PPP2R3C: variants seen among roughly 807,000 people sequenced by gnomAD.
PPP2R3C encodes the protein serine/threonine-protein phosphatase 2A regulatory subunit B'' subunit gamma.
In PPP2R3C, 47 loss-of-function variants were observed where a neutral mutation model predicts 63.7. That is an observed-to-expected ratio of 0.74 (90% CI 0.58 to 0.94). The LOEUF is 0.94. Ranked by LOEUF, PPP2R3C falls within the 40% of genes least tolerant of loss-of-function variation. The probability of loss-of-function intolerance (pLI) is 0.00; values close to 1 mark genes in which losing one functional copy is unlikely to be tolerated. For synonymous variants in PPP2R3C, 180 were observed against 177.4 expected, an observed-to-expected ratio of 1.01 and a Z score of -0.12; for missense variants, 421 against 518.4, an observed-to-expected ratio of 0.81 and a Z score of 1.82.
intron 2 of PPP2R3C, among the ~76,000 whole-genome samples, chr14:35,113,937 T>C (rs927060555): frequency 6.6e-6 from 1 of 152,130 alleles, no homozygotes; most frequent in African/African-American, 2.4e-5. Flanking sequence ...TCAGGTGCTC[T>C]CTCTCCCTTT....
intron 1 of PPP2R3C, 113 bp downstream of exon 1, chr14:35,121,789 G>A (rs2046907223): frequency 8.2e-7 from 1 of 1,216,772 alleles, no homozygotes; most frequent in African/African-American, 1.5e-5. Context: ...TTGTCGGGAG[G>A]TTTCACAGAA....
chr14:35,100,652 C>T (rs2046156620), intron 6 of PPP2R3C: 1 of 152,172 alleles, frequency 6.6e-6, no homozygotes, highest in Non-Finnish European at 1.5e-5. Context: ...CTTTTTGAGG[C>T]AGGGTCTCAC....
intron 11 of PPP2R3C, among the ~76,000 whole-genome samples, chr14:35,089,777 T>G (rs2045734268): frequency 6.6e-6 from 1 of 152,132 alleles, no homozygotes. Flanking sequence ...GCCATTCTCC[T>G]GCCTCAGCCT....
At chr14:35,108,773 A>C (rs1439590272) in intron 4 of PPP2R3C, among the ~76,000 whole-genome samples, 1 of 151,890 alleles carries the variant, frequency 6.6e-6, no homozygotes, top group Non-Finnish European at 1.5e-5. Context: ...CATCTCAAAA[A>C]AAAAGATAAA....
At chr14:35,090,060 C>T (rs2045749166) in intron 11 of PPP2R3C, among the ~76,000 whole-genome samples, 1 of 151,990 alleles carries the variant, frequency 6.6e-6, no homozygotes, top group Non-Finnish European at 1.5e-5. Flanking sequence ...TGAGTGAAAG[C>T]TGATTTGACT....
chr14:35,122,125 G>A (rs2046926632), upstream of PPP2R3C: 1 of 628,862 alleles, frequency 1.6e-6, no homozygotes. Flanking sequence ...AACAATTACT[G>A]TCACTGCCGC....
At chr14:35,086,081 T>C in intron 12 of PPP2R3C, 1 of 275,718 alleles carries the variant, frequency 3.6e-6, no homozygotes, top group Non-Finnish European at 6.7e-6. Context: ...CATAGGTAAT[T>C]AGTGGCAGAA....
intron 1 of PPP2R3C, among the ~76,000 whole-genome samples, chr14:35,118,359 T>A (rs1349922524): frequency 6.6e-6 from 1 of 152,174 alleles, no homozygotes; most frequent in African/African-American, 2.4e-5. Context: ...CAAGAGTACA[T>A]CCTTCAGCAG....
At chr14:35,099,613 T>C (rs1169933638) in intron 6 of PPP2R3C, 3 of 427,540 alleles carry the variant, frequency 7.0e-6, no homozygotes, top group Non-Finnish European at 7.6e-6. Context: ...AACAAAGATA[T>C]TGATTAAAAA....
intron 4 of PPP2R3C, among the ~76,000 whole-genome samples, chr14:35,109,127 G>A (rs1196397554): frequency 6.6e-6 from 1 of 151,830 alleles, no homozygotes; most frequent in Non-Finnish European, 1.5e-5. Context: ...CACGATCTCG[G>A]CTCACTGCAA....
chr14:35,118,625 C>A (rs1334796692), intron 1 of PPP2R3C, among the ~76,000 whole-genome samples: 1 of 150,484 alleles, frequency 6.6e-6, no homozygotes, highest in African/African-American at 2.4e-5. Flanking sequence ...GTCAAGAAAG[C>A]ACACAAAGTA....
intron 2 of PPP2R3C, among the ~76,000 whole-genome samples, chr14:35,111,150 G>GCTTAAAC (rs1247919127): frequency 6.8e-6 from 1 of 147,832 alleles, no homozygotes; most frequent in Non-Finnish European, 1.5e-5. Context: ...CAGGAGAATT[G>GCTTAAAC]CTTAAACCCA....
At chr14:35,116,108 T>C (rs1454333855) in intron 2 of PPP2R3C, among the ~76,000 whole-genome samples, 1 of 152,130 alleles carries the variant, frequency 6.6e-6, no homozygotes, top group Non-Finnish European at 1.5e-5. Context: ...ACATACCCAC[T>C]TAAATCTAAA....
At chr14:35,100,357 C>T (rs2046146602) in intron 6 of PPP2R3C, 1 of 152,098 alleles carries the variant, frequency 6.6e-6, no homozygotes. Context: ...AGCATATGCA[C>T]ATGTAGAATT....
intron 12 of PPP2R3C, 72 bp downstream of exon 12, chr14:35,087,879 A>G: frequency 8.2e-7 from 1 of 1,219,458 alleles, no homozygotes; most frequent in Non-Finnish European, 1.2e-6. Flanking sequence ...TTGCTTTCAT[A>G]TAAAATTTCA....
chr14:35,096,781 A>T lies in PPP2R3C; in HGVS notation c.707-17T>A. The T allele has an allele frequency of 1.2e-5, 18 of 1,551,654 alleles. No homozygotes were observed. The highest frequency in any genetic ancestry group is 1.5e-5 in the Non-Finnish European group (17 of 1,151,966). Reference sequence around the variant, plus strand: ...TTATCTTTCCTTTAAGAACATAAAGAAACACAATTAATTTCATTTTAAGAA... The same window carrying T: ...TTATCTTTCCTTTAAGAACATAAAGTAACACAATTAATTTCATTTTAAGAA... On this transcript the variant is annotated splice_polypyrimidine_tract_variant and intron_variant, in intron 7 of 12. Coordinates refer to ENST00000261475, the MANE Select transcript of PPP2R3C (RefSeq NM_017917.4).
chr14:35,096,786 CAATT>C (rs767985600), intron 7 of PPP2R3C, 22 bp from the exon 8 acceptor site: 151 of 1,539,154 alleles, frequency 9.8e-5, no homozygotes, highest in Admixed American at 5.2e-4. Flanking sequence ...TAAAGAAACA[CAATT>C]AATTTCATTT....
At chr14:35,120,019 T>C (rs2046819357) in intron 1 of PPP2R3C, among the ~76,000 whole-genome samples, 1 of 150,610 alleles carries the variant, frequency 6.6e-6, no homozygotes, top group Non-Finnish European at 1.5e-5. Context: ...ACCCGTCTAA[T>C]TTTTTGTATT....
chr14:35,104,494 T>A (rs979083941), intron 6 of PPP2R3C, among the ~76,000 whole-genome samples: 2 of 152,132 alleles, frequency 1.3e-5, no homozygotes, highest in African/African-American at 4.8e-5. Context: ...CCCTCTCCCC[T>A]ACAATCTTAA....
Sources: allele counts gnomAD v4.1 joint callset (sites outside exome capture counted in the v4.1 genomes callset), GRCh38; gene constraint gnomAD v4.1.1; transcripts MANE v1.5; gene names NCBI Gene and HGNC (gene_info 2026-07-23, HGNC 2026-07-21).